HACE1: variants seen among roughly 807,000 people sequenced by gnomAD.
HACE1 encodes E3 ubiquitin-protein ligase HACE1.
Under a neutral mutation model 118.4 loss-of-function variants are expected in HACE1, and 73 were observed. The observed-to-expected ratio is 0.62, with a 90% CI of 0.51 to 0.75. The LOEUF is 0.75. HACE1 is among the 30% of genes least tolerant of loss of function. The pLI, the probability that HACE1 is intolerant of heterozygous loss-of-function variation, is 0.00. For synonymous variants in HACE1, 368 were observed against 374.8 expected, an observed-to-expected ratio of 0.98 and a Z score of 0.21; for missense variants, 749 against 1,102.2, an observed-to-expected ratio of 0.68 and a Z score of 4.54.
intron 11 of HACE1, among the ~76,000 whole-genome samples, chr6:104,790,494 T>G (rs1454230059): frequency 1.3e-5 from 2 of 152,238 alleles, no homozygotes; most frequent in Admixed American, 6.5e-5. Context: ...GGCTCACGCC[T>G]GCAATCCCAG....
At chr6:104,779,201 G>C (rs1204972449) in intron 14 of HACE1, among the ~76,000 whole-genome samples, 3 of 152,118 alleles carry the variant, frequency 2.0e-5, no homozygotes, top group Non-Finnish European at 4.4e-5. Context: ...AAGCAAGGTG[G>C]TGCAATACCA....
At chr6:104,820,016 A>T (rs1043561079) in intron 6 of HACE1, among the ~76,000 whole-genome samples, 2 of 151,974 alleles carry the variant, frequency 1.3e-5, no homozygotes, top group African/African-American at 2.4e-5. Context: ...CCAACATGGC[A>T]AAACCCCATC....
intron 10 of HACE1, among the ~76,000 whole-genome samples, chr6:104,794,766 G>T (rs1783430282): frequency 6.6e-6 from 1 of 152,094 alleles, no homozygotes; most frequent in Non-Finnish European, 1.5e-5. Flanking sequence ...TTAGCCGGGC[G>T]TGGTGGTGTG....
At chr6:104,837,230 T>C (rs1774633411) in intron 5 of HACE1, among the ~76,000 whole-genome samples, 1 of 152,224 alleles carries the variant, frequency 6.6e-6, no homozygotes, top group African/African-American at 2.4e-5. Context: ...TTCTACCTGG[T>C]ATTAAGACTT....
At chr6:104,808,173 G>T (rs1771224760) in intron 7 of HACE1, among the ~76,000 whole-genome samples, 1 of 151,472 alleles carries the variant, frequency 6.6e-6, no homozygotes, top group Admixed American at 6.6e-5. Context: ...GCAACAGATT[G>T]AGGCTCTGTC....
intron 14 of HACE1, chr6:104,780,396 G>A (rs1227034242): frequency 6.8e-6 from 3 of 441,834 alleles, no homozygotes; most frequent in African/African-American, 6.1e-5. Flanking sequence ...TGATTATAGA[G>A]GCTCCTCTTA....
chr6:104,802,520 G>C (rs1770494799), intron 7 of HACE1, among the ~76,000 whole-genome samples: 1 of 152,176 alleles, frequency 6.6e-6, no homozygotes, highest in South Asian at 2.1e-4. Flanking sequence ...CTGTCTCTCA[G>C]AGCACAGTGC....
chr6:104,745,997 C>T (rs1777390693), intron 20 of HACE1, among the ~76,000 whole-genome samples: 1 of 152,108 alleles, frequency 6.6e-6, no homozygotes, highest in Non-Finnish European at 1.5e-5. Context: ...TACACAAAAG[C>T]AGTTGTAAGG....
intron 6 of HACE1, among the ~76,000 whole-genome samples, chr6:104,819,123 C>T (rs1385691680): frequency 6.6e-6 from 1 of 152,166 alleles, no homozygotes; most frequent in African/African-American, 2.4e-5. Flanking sequence ...GATGACATAA[C>T]ACTATATTTG....
At chr6:104,741,525 CAG>C in intron 22 of HACE1, among the ~76,000 whole-genome samples, 1 of 115,828 alleles carries the variant, frequency 8.6e-6, no homozygotes, top group Non-Finnish European at 1.7e-5. Flanking sequence ...AACAGACAAA[CAG>C]AGAGCCAAAT....
intron 4 of HACE1, among the ~76,000 whole-genome samples, chr6:104,844,344 ATTT>A (rs374033174): frequency 0.13 from 15,625 of 119,774 alleles, 866 homozygotes; most frequent in Admixed American, 0.19. Flanking sequence ...CATCATAAAC[ATTT>A]TTTTTTTTTT....
chr6:104,822,650 A>C (rs1013144242), intron 6 of HACE1, among the ~76,000 whole-genome samples: 1 of 152,084 alleles, frequency 6.6e-6, no homozygotes, highest in Admixed American at 6.6e-5. Flanking sequence ...AGAGGTCGGG[A>C]GTTCAAGACC....
chr6:104,781,254 C>T (rs905811287), intron 14 of HACE1, among the ~76,000 whole-genome samples: 3 of 152,170 alleles, frequency 2.0e-5, no homozygotes, highest in East Asian at 1.9e-4. Flanking sequence ...TATTTTGATG[C>T]TCAAATTCTT....
intron 19 of HACE1, chr6:104,766,967 G>C (rs1204761668): frequency 6.6e-6 from 1 of 152,128 alleles, no homozygotes; most frequent in Non-Finnish European, 1.5e-5. Flanking sequence ...CCTGTAGAAA[G>C]GGGTATCTCC....
chr6:104,781,127 T>C (rs1781690753), intron 14 of HACE1, among the ~76,000 whole-genome samples: 1 of 152,196 alleles, frequency 6.6e-6, no homozygotes, highest in Non-Finnish European at 1.5e-5. Flanking sequence ...GCAATTATTC[T>C]GCTGGGAGAT....
At chr6:104,800,039 G>A (rs545373773) in intron 7 of HACE1, among the ~76,000 whole-genome samples, 4 of 152,176 alleles carry the variant, frequency 2.6e-5, no homozygotes, top group South Asian at 2.1e-4. Context: ...CTTAGTAAAC[G>A]ACACACCAGG....
intron 7 of HACE1, among the ~76,000 whole-genome samples, chr6:104,801,249 C>A (rs951928270): frequency 3.9e-5 from 6 of 152,114 alleles, no homozygotes; most frequent in African/African-American, 1.2e-4. Flanking sequence ...GATTGGTGTA[C>A]CTGAAAGTGT....
chr6:104,776,474 GC>G (rs1781234127), intron 17 of HACE1, among the ~76,000 whole-genome samples: 1 of 152,140 alleles, frequency 6.6e-6, no homozygotes, highest in Non-Finnish European at 1.5e-5. Context: ...ACCTCTTTGG[GC>G]CAACACTAGT....
At chr6:104,753,079 T>C (rs1222648200) in intron 19 of HACE1, among the ~76,000 whole-genome samples, 2 of 152,222 alleles carry the variant, frequency 1.3e-5, no homozygotes, top group East Asian at 3.8e-4. Flanking sequence ...CCTGCCTCGC[T>C]AAACAGTACA....
Sources: gnomAD v4.1 joint callset for allele counts (sites outside exome capture counted in the v4.1 genomes callset) on GRCh38, gnomAD v4.1.1 for gene constraint, MANE v1.5 for transcripts, NCBI Gene and HGNC (gene_info 2026-07-23, HGNC 2026-07-21) for gene names.